The following TRANK1 variants were observed in gnomAD, a reference collection of about 807,000 sequenced individuals.
TRANK1 encodes the protein tetratricopeptide repeat and ankyrin repeat containing 1.
Under a neutral mutation model 266.0 loss-of-function variants are expected in TRANK1, and 198 were observed. The ratio of observed to expected loss-of-function variants is 0.74; its 90% CI spans 0.66 to 0.84. The LOEUF (loss-of-function observed/expected upper bound fraction) is 0.84. Among genes scored for constraint, TRANK1 ranks in the 40% least tolerant of loss-of-function variants. The pLI is 0.00. For missense variants in TRANK1, 3,326 were observed against 3,634.6 expected (o/e 0.92, Z 2.18); for synonymous variants, 1,396 against 1,384.1 (o/e 1.01, Z -0.19).
intron 9 of TRANK1, among the ~76,000 whole-genome samples, chr3:36,870,528 T>C (rs1406723948): frequency 1.3e-5 from 2 of 152,200 alleles, no homozygotes; most frequent in Non-Finnish European, 1.5e-5. Flanking sequence ...GATTTTTTTT[T>C]ACTAGTTCCT....
chr3:36,910,174 A>G (rs1339481347), intron 1 of TRANK1, among the ~76,000 whole-genome samples: 1 of 152,266 alleles, frequency 6.6e-6, no homozygotes, highest in African/African-American at 2.4e-5. Context: ...TACTAAATAT[A>G]TGAAAAGTGG....
chr3:36,886,139 T>G (rs553128917), intron 8 of TRANK1, among the ~76,000 whole-genome samples: 17 of 146,586 alleles, frequency 1.2e-4, no homozygotes, highest in East Asian at 3.9e-4. Context: ...GTTTTTTTTT[T>G]TTTTTTTTTT....
At position 36,944,957 on chromosome 3, in the gene TRANK1, C is replaced by G. The variant is rs1238100848; in HGVS notation, c.-148G>C. Reference sequence around the variant, plus strand: ...GATGCAGAGGCGGCGTTCGGGGGCCCCCAGCTGCCTGCGGCTCGGCTACCC... The same window carrying G: ...GATGCAGAGGCGGCGTTCGGGGGCCGCCAGCTGCCTGCGGCTCGGCTACCC... On this transcript the variant is annotated 5_prime_UTR_variant, in exon 1 of 24. Coordinates refer to ENST00000645898, the MANE Select transcript of TRANK1 (RefSeq NM_001329998.2). 1.3e-6 allele frequency: 1 copy of G among 746,882 alleles called. No individual in the cohort carries two copies. The highest frequency in any genetic ancestry group is 1.9e-5 in the African/African-American group (1 of 53,592). 46.3% of individuals were successfully genotyped at this position (746,882 alleles called of 1,614,324 possible).
chr3:36,899,778 C>T (rs1257150653), intron 3 of TRANK1, among the ~76,000 whole-genome samples: 4 of 152,222 alleles, frequency 2.6e-5, no homozygotes, highest in Non-Finnish European at 5.9e-5. Flanking sequence ...AAATCCATGA[C>T]TTACATAGCA....
chr3:36,913,673 T>C (rs2080085680), intron 1 of TRANK1, among the ~76,000 whole-genome samples: 1 of 152,122 alleles, frequency 6.6e-6, no homozygotes, highest in African/African-American at 2.4e-5. Flanking sequence ...GGTACAAATG[T>C]GGGACAAGAA....
chr3:36,838,780 AAAG>A, intron 18 of TRANK1, 64 bp from the exon 19 acceptor site: 1 of 1,485,414 alleles, frequency 6.7e-7, no homozygotes, highest in East Asian at 2.4e-5. Flanking sequence ...AACAACGGTT[AAAG>A]CATGCATTAT....
chr3:36,867,537 G>A (rs1206736971), intron 9 of TRANK1, among the ~76,000 whole-genome samples: 2 of 152,216 alleles, frequency 1.3e-5, no homozygotes. Context: ...CCCTTGGCAG[G>A]AGGGCTGTGG....
intron 1 of TRANK1, among the ~76,000 whole-genome samples, chr3:36,915,206 C>T (rs2080108412): frequency 5.3e-5 from 8 of 152,198 alleles, no homozygotes; most frequent in Admixed American, 5.2e-4. Flanking sequence ...CCGCCTTGGC[C>T]TCCCAAAGTG....
Position 36,895,657 on chromosome 3 carries a change from T to C in TRANK1, c.535A>G (p.Lys179Glu), listed in dbSNP as rs1242170013. ...VWQSVIEKLAKKGLWHSFLLL... is the reference protein window; with the variant it reads ...VWQSVIEKLAEKGLWHSFLLL... Reference sequence around the variant, plus strand: ...TTACTTACATGCCATAATCCTTTCTTTGCCAACTTTTCTATTACAGATTGC... The same window carrying C: ...TTACTTACATGCCATAATCCTTTCTCTGCCAACTTTTCTATTACAGATTGC... Residue 179 changes from lysine to glutamate, a missense_variant, in exon 5 of 24, where the codon AAG (lysine) becomes GAG (glutamate). Coordinates refer to ENST00000645898, the MANE Select transcript of TRANK1 (RefSeq NM_001329998.2). 6 of 1,535,074 alleles carry C rather than the reference T, an allele frequency of 3.9e-6. No homozygotes were observed. The highest frequency in any genetic ancestry group is 5.2e-6 in the Non-Finnish European group (6 of 1,146,048).
intron 8 of TRANK1, among the ~76,000 whole-genome samples, chr3:36,884,918 C>G (rs1553625210): frequency 7.7e-6 from 1 of 129,412 alleles, no homozygotes; most frequent in Non-Finnish European, 1.6e-5. Flanking sequence ...GGAGACAGAG[C>G]AAGACTCTGT....
chr3:36,912,744 G>C (rs1330103657), intron 1 of TRANK1, among the ~76,000 whole-genome samples: 1 of 152,178 alleles, frequency 6.6e-6, no homozygotes, highest in Non-Finnish European at 1.5e-5. Context: ...TGACATACAG[G>C]ATTACAGCAA....
intron 22 of TRANK1, 49 bp downstream of exon 22, chr3:36,830,810 TGAGAAATGTCCTCA>T: frequency 4.7e-6 from 7 of 1,498,628 alleles, no homozygotes; most frequent in Non-Finnish European, 6.2e-6. Context: ...AATTTAACCC[TGAGAAATGTCCTCA>T]GAGCCCAGGT....
chr3:36,879,319 ATAATATACCATGG>A (rs1311181934), intron 8 of TRANK1, among the ~76,000 whole-genome samples: 2 of 151,782 alleles, frequency 1.3e-5, no homozygotes, highest in African/African-American at 4.8e-5. Context: ...TGCAGAGGAA[ATAATATACCATGG>A]TATTGAATGC....
At chr3:36,844,676 A>C (rs2078892162) in intron 17 of TRANK1, among the ~76,000 whole-genome samples, 1 of 152,230 alleles carries the variant, frequency 6.6e-6, no homozygotes, top group African/African-American at 2.4e-5. Flanking sequence ...GTCATTACAC[A>C]GGTAGAAAGT....
chr3:36,929,614 T>C (rs1467115532), intron 1 of TRANK1, among the ~76,000 whole-genome samples: 2 of 152,230 alleles, frequency 1.3e-5, no homozygotes, highest in Admixed American at 1.3e-4. Context: ...GGAAAATAAG[T>C]TAAATTCCTA....
At chr3:36,944,695 C>T (rs897446895) in intron 1 of TRANK1, 92 bp downstream of exon 1, 4 of 1,428,962 alleles carry the variant, frequency 2.8e-6, no homozygotes, top group Non-Finnish European at 3.7e-6. Flanking sequence ...ACCTCAGGGT[C>T]GCCAGTCCCC....
intron 10 of TRANK1, 47 bp downstream of exon 10, chr3:36,864,272 G>A (rs1326818023): frequency 4.9e-6 from 7 of 1,442,492 alleles, no homozygotes; most frequent in Non-Finnish European, 6.4e-6. Flanking sequence ...GAATTTTAAT[G>A]AACATAAATC....
chr3:36,854,490 T>G (rs1163239010), intron 13 of TRANK1, among the ~76,000 whole-genome samples: 1 of 152,240 alleles, frequency 6.6e-6, no homozygotes, highest in East Asian at 1.9e-4. Context: ...TACTCCATAT[T>G]GTTCACAGAT....
chr3:36,831,057 G>A lies in TRANK1; in HGVS notation c.8526C>T (p.His2842=), dbSNP rs145209149. The change falls in exon 22 of 24, where the codon CAC becomes CAT. Residue 2842 remains histidine, a synonymous_variant. Coordinates refer to ENST00000645898, the MANE Select transcript of TRANK1 (RefSeq NM_001329998.2). This position sits in a 1 kb window ranked among gnomAD's most constrained non-coding sequence, Gnocchi z 5.0. ...VAYQKYSEFF[H]EKVDPAIDEG... Reference sequence around the variant, plus strand: ...CATCAATGGCCGGGTCCACCTTCTCGTGGAAAAATTCTGAGTATTTCTGGT... The same window carrying A: ...CATCAATGGCCGGGTCCACCTTCTCATGGAAAAATTCTGAGTATTTCTGGT... 454 of 1,613,932 alleles carry A rather than the reference G, an allele frequency of 2.8e-4. 5 individuals are homozygous for A. The East Asian group carries it at 9.3e-3, about 33-fold the overall frequency.
Sources: allele counts gnomAD v4.1 joint callset (sites outside exome capture counted in the v4.1 genomes callset), GRCh38; gene constraint gnomAD v4.1.1; non-coding constraint Gnocchi (gnomAD v3.1); transcripts MANE v1.5; gene names NCBI Gene and HGNC (gene_info 2026-07-23, HGNC 2026-07-21).